KLF13: variants seen among roughly 807,000 people sequenced by gnomAD.
KLF13 encodes the protein KLF transcription factor 13.
KLF13 carries 8 observed loss-of-function variants against 16.7 expected under a neutral mutation model. The ratio of observed to expected loss-of-function variants is 0.48; its 90% CI spans 0.28 to 0.87. KLF13 has a LOEUF of 0.87. KLF13 is among the 40% of genes least tolerant of loss of function. The pLI is 0.10. For missense variants in KLF13, 447 were observed against 452.2 expected (o/e 0.99, Z 0.10); for synonymous variants, 245 against 208.4 (o/e 1.18, Z -1.51).
At chr15:31,355,638 C>T (rs796151181) in intron 1 of KLF13, among the ~76,000 whole-genome samples, 55 of 152,216 alleles carry the variant, frequency 3.6e-4, no homozygotes, top group African/African-American at 1.2e-3. Flanking sequence ...GGCACATGAG[C>T]GCCTGCAGGC....
upstream of KLF13, among the ~76,000 whole-genome samples, chr15:31,390,514 A>T (rs1378269519): frequency 6.6e-6 from 1 of 152,190 alleles, no homozygotes; most frequent in Non-Finnish European, 1.5e-5. Flanking sequence ...CTTTGCCGTG[A>T]ACATTTTATT....
chr15:31,431,931 G>A (rs2040477335), intron 1 of KLF13, among the ~76,000 whole-genome samples: 1 of 152,220 alleles, frequency 6.6e-6, no homozygotes, highest in Admixed American at 6.5e-5. Context: ...GGAAGGAAGT[G>A]TTGACTGGGA....
intron 1 of KLF13, chr15:31,435,344 C>T (rs1470395160): frequency 6.6e-6 from 1 of 152,158 alleles, no homozygotes; most frequent in Non-Finnish European, 1.5e-5. Flanking sequence ...TCAAAACGGC[C>T]TCAAGAGGCT....
chr15:31,340,979 C>T (rs1236499701), intron 1 of KLF13, among the ~76,000 whole-genome samples: 1 of 152,174 alleles, frequency 6.6e-6, no homozygotes, highest in Non-Finnish European at 1.5e-5. Flanking sequence ...ACCCAGCGCC[C>T]CTGTGCCCTG....
intron 1 of KLF13, among the ~76,000 whole-genome samples, chr15:31,335,457 G>A (rs1362114050): frequency 2.1e-5 from 2 of 97,412 alleles, no homozygotes; most frequent in Non-Finnish European, 4.6e-5. Context: ...GTGTGTGTGT[G>A]TGTGTGTGTG....
chr15:31,354,510 A>G (rs1271004033), intron 1 of KLF13, among the ~76,000 whole-genome samples: 1 of 152,140 alleles, frequency 6.6e-6, no homozygotes, highest in Non-Finnish European at 1.5e-5. Context: ...CCTCTCAAGT[A>G]GCTGGGATTA....
downstream of KLF13, among the ~76,000 whole-genome samples, chr15:31,382,631 C>T (rs1292516141): frequency 9.2e-5 from 14 of 152,186 alleles, no homozygotes; most frequent in Admixed American, 9.2e-4. Context: ...CTGCACCTGG[C>T]AGCTCAGTGT....
chr15:31,435,143 A>G (rs2040514872), intron 1 of KLF13, among the ~76,000 whole-genome samples: 1 of 151,854 alleles, frequency 6.6e-6, no homozygotes, highest in Admixed American at 6.6e-5. Context: ...AGTTTTGTCT[A>G]TGTTTTGTCC....
downstream of KLF13, among the ~76,000 whole-genome samples, chr15:31,379,104 A>AT (rs2140973895): frequency 6.6e-6 from 1 of 152,286 alleles, no homozygotes; most frequent in East Asian, 1.9e-4. Flanking sequence ...AGTTGATTAG[A>AT]CATGGTTTTT....
chr15:31,414,484 CTT>C (rs2040233031), intron 1 of KLF13, among the ~76,000 whole-genome samples: 1 of 152,072 alleles, frequency 6.6e-6, no homozygotes, highest in Non-Finnish European at 1.5e-5. Context: ...AAGAAAGACA[CTT>C]TTAATTCAAA....
chr15:31,345,121 G>T (rs1400800989), intron 1 of KLF13, among the ~76,000 whole-genome samples: 1 of 152,246 alleles, frequency 6.6e-6, no homozygotes, highest in Non-Finnish European at 1.5e-5. Context: ...CCATAGGGCT[G>T]GGCAGGAGGA....
chr15:31,432,100 A>G (rs1243907382), intron 1 of KLF13, among the ~76,000 whole-genome samples: 1 of 152,198 alleles, frequency 6.6e-6, no homozygotes, highest in Non-Finnish European at 1.5e-5. Context: ...ATATTTCACA[A>G]TAAGGAGGAA....
rs568489216 is a variant in KLF13, at chr15:31,327,584, G to A, written c.372G>A (p.Glu124=). ...CGCCCCCCAGCCCGGCGTGGAGCGA[G>A]CCGGAGCCCGAGGCGGGGCTGGAGC... ...AAAPPSPAWS[E]PEPEAGLEPE... is the part of the protein sequence containing the mutation. Residue 124 remains glutamate (E), a synonymous_variant, in exon 1 of 2, where the codon GAG becomes GAA. Coordinates refer to ENST00000307145, the MANE Select transcript of KLF13 (RefSeq NM_015995.4). 2.5e-6 allele frequency: 3 copies of A among 1,219,744 alleles called. No homozygotes were observed. Among genetic ancestry groups the A allele is most frequent in the African/African-American group, 1.6e-5 (1 of 61,864 alleles). 75.6% of individuals were successfully genotyped at this position (1,219,744 alleles called of 1,614,324 possible).
chr15:31,402,307 G>A (rs948449687), intron 2 of KLF13, among the ~76,000 whole-genome samples: 3 of 152,216 alleles, frequency 2.0e-5, no homozygotes, highest in Admixed American at 6.5e-5. Context: ...AGGAGGGGAG[G>A]TTGGAAGGAG....
Position 31,373,146 on chromosome 15 carries a change from C to T in KLF13, c.*847C>T, listed in dbSNP as rs2039584545. The T allele has an allele frequency of 6.6e-6, 1 of 152,262 alleles. No individual in the cohort carries two copies. Among genetic ancestry groups the T allele is most frequent in the South Asian group, 2.1e-4 (1 of 4,836 alleles). The allele number at this position is 152,262 out of a possible 1,614,324, so 9.4% of individuals were successfully genotyped here. ...CAGCAGAAGGCATGCAGGACCCTGT[C>T]ACTACTATACCTGGGCCTCTGATGG... On this transcript the variant is annotated 3_prime_UTR_variant, in exon 2 of 2. Transcript: ENST00000307145.
downstream of KLF13, among the ~76,000 whole-genome samples, chr15:31,409,296 A>C (rs911760987): frequency 3.3e-5 from 5 of 152,122 alleles, no homozygotes; most frequent in East Asian, 1.9e-4. Flanking sequence ...AAAAAACCCC[A>C]AAAAACAAAC....
chr15:31,353,444 C>T (rs143280699), intron 1 of KLF13, among the ~76,000 whole-genome samples: 1 of 152,320 alleles, frequency 6.6e-6, no homozygotes, highest in East Asian at 1.9e-4. Context: ...TCCCTGCCAT[C>T]TGGCCTGCCC....
At chr15:31,419,818 C>A (rs1039768575) in intron 1 of KLF13, among the ~76,000 whole-genome samples, 1 of 152,022 alleles carries the variant, frequency 6.6e-6, no homozygotes, top group African/African-American at 2.4e-5. Context: ...TCTAGAAGCT[C>A]GAAGGATGCT....
intron 1 of KLF13, among the ~76,000 whole-genome samples, chr15:31,333,046 T>A (rs1422024268): frequency 1.3e-5 from 2 of 152,196 alleles, no homozygotes; most frequent in Non-Finnish European, 2.9e-5. Context: ...AAAATAGTTT[T>A]AAAAATAAAA....
Sources: gnomAD v4.1 joint callset for allele counts (sites outside exome capture counted in the v4.1 genomes callset) on GRCh38, gnomAD v4.1.1 for gene constraint, MANE v1.5 for transcripts, NCBI Gene and HGNC (gene_info 2026-07-23, HGNC 2026-07-21) for gene names.